Variants in PCDH15 observed in about 807,000 individuals in gnomAD.
PCDH15 encodes protocadherin related 15.
PCDH15 carries 129 observed loss-of-function variants against 178.5 expected under a neutral mutation model. That is an observed-to-expected ratio of 0.72 (90% CI 0.63 to 0.84). The LOEUF (loss-of-function observed/expected upper bound fraction) is 0.84, where lower values mean the gene tolerates loss of function less well. Among genes scored for constraint, PCDH15 ranks in the 40% least tolerant of loss-of-function variants. PCDH15 has a pLI of 0.00. For missense variants in PCDH15, 2,230 were observed against 2,099.9 expected, an observed-to-expected ratio of 1.06 and a Z score of -1.21; for synonymous variants, 800 against 732.0, an observed-to-expected ratio of 1.09 and a Z score of -1.50.
Position 53,918,545 on chromosome 10 carries a change from C to T in PCDH15, c.3374-15175G>A, listed in dbSNP as rs11003932. On this transcript the variant is annotated intron_variant, in intron 25 of 37. Transcript: ENST00000644397. ...TTCAAAAGACAGACAAGTACAGTTG[C>T]CCCTTCTATATTTGGATATCAACTG... is the stretch of plus-strand genomic sequence containing the variant. 8.6e-3 allele frequency among the ~76,000 whole-genome samples: 1,315 copies of T among 152,242 alleles called. 53 individuals carry two copies. In the East Asian group the frequency reaches 0.13, roughly 15 times the overall value.
chr10:54,687,031 C>T (rs2095024855), intron 1 of PCDH15, among the ~76,000 whole-genome samples: 1 of 152,066 alleles, frequency 6.6e-6, no homozygotes, highest in Non-Finnish European at 1.5e-5. Flanking sequence ...TAAAAATGTT[C>T]AATGTCCCTA....
At chr10:55,212,327 T>C (rs141089471) in intron 1 of PCDH15, among the ~76,000 whole-genome samples, 27 of 152,142 alleles carry the variant, frequency 1.8e-4, no homozygotes, top group Admixed American at 1.4e-3. Flanking sequence ...CTATAAAAGC[T>C]GCTTCATTTT....
intron 8 of PCDH15, among the ~76,000 whole-genome samples, chr10:54,298,148 A>C (rs575448640): frequency 6.6e-6 from 1 of 152,254 alleles, no homozygotes; most frequent in Admixed American, 6.5e-5. Context: ...GAAAGGAAGA[A>C]AATCCTGCCT....
intron 8 of PCDH15, among the ~76,000 whole-genome samples, chr10:54,296,484 C>T (rs1314772933): frequency 6.6e-6 from 1 of 152,166 alleles, no homozygotes; most frequent in Non-Finnish European, 1.5e-5. Context: ...AGACAAACTT[C>T]CTCTTGCCTC....
intron 26 of PCDH15, among the ~76,000 whole-genome samples, chr10:53,880,369 G>A (rs906057105): frequency 4.6e-5 from 7 of 152,158 alleles, no homozygotes; most frequent in Non-Finnish European, 7.4e-5. Context: ...GGTTCACGAA[G>A]CAAACTTGAA....
chr10:54,321,367 T>C (rs12146416), intron 7 of PCDH15, among the ~76,000 whole-genome samples: 67,447 of 149,250 alleles, frequency 0.45, 15,930 homozygotes, highest in Middle Eastern at 0.59. Context: ...TTTTAAAAGA[T>C]TGAATTAATC....
intron 20 of PCDH15, among the ~76,000 whole-genome samples, chr10:54,017,126 C>T (rs377706794): frequency 5.9e-5 from 9 of 152,166 alleles, no homozygotes; most frequent in African/African-American, 1.4e-4. Flanking sequence ...CGGGTTCAAG[C>T]GATTCTCCTG....
At chr10:54,825,444 G>A (rs1953113132) in intron 3 of PCDH15, among the ~76,000 whole-genome samples, 2 of 147,718 alleles carry the variant, frequency 1.4e-5, no homozygotes, top group South Asian at 4.5e-4. Flanking sequence ...CTGAGGAATC[G>A]CCACGCTGAC....
chr10:55,484,020 G>A (rs1419944983), intron 2 of PCDH15, among the ~76,000 whole-genome samples: 9 of 151,766 alleles, frequency 5.9e-5, no homozygotes, highest in African/African-American at 2.2e-4. Context: ...TGGATCTGGA[G>A]GCCATTATCC....
Position 53,828,207 on chromosome 10 carries a change from C to CAAAAAAAAAAAAAAAA in PCDH15, c.4211+342_4211+357dup, listed in dbSNP as rs71004480. On this transcript the variant is annotated intron_variant, in intron 31 of 37. Transcript: ENST00000644397. ...GCCAACAAGAGCAAAAAGTCCGTCT[C>CAAAAAAAAAAAAAAAA]AAAAAAAAAAAAAAAAAAAAAAAAA... Among the ~76,000 whole-genome samples the CAAAAAAAAAAAAAAAA allele has an allele frequency of 3.0e-4, 16 of 53,770 alleles. 1 individual carries two copies. The highest frequency in any genetic ancestry group is 1.1e-3 in the African/African-American group (15 of 13,890). The allele number at this position is 53,770 out of a possible 152,430, so 35.3% of individuals were successfully genotyped here.
At chr10:55,246,164 A>T (rs1306010238) in intron 1 of PCDH15, among the ~76,000 whole-genome samples, 1 of 152,206 alleles carries the variant, frequency 6.6e-6, no homozygotes, top group Non-Finnish European at 1.5e-5. Flanking sequence ...AAGAGTAAGG[A>T]CAAGCATAAA....
chr10:53,833,046 T>C (rs754511912), intron 29 of PCDH15, among the ~76,000 whole-genome samples: 13 of 152,032 alleles, frequency 8.6e-5, no homozygotes, highest in Non-Finnish European at 1.6e-4. Flanking sequence ...ATTTTTATGA[T>C]TACTAGAAAT....
chr10:54,807,494 T>C (rs1167241676), intron 3 of PCDH15, among the ~76,000 whole-genome samples: 1 of 151,854 alleles, frequency 6.6e-6, no homozygotes, highest in Non-Finnish European at 1.5e-5. Flanking sequence ...TACTATACAT[T>C]GTACTTTTTG....
intron 2 of PCDH15, among the ~76,000 whole-genome samples, chr10:55,568,078 C>T (rs1842338040): frequency 6.6e-6 from 1 of 151,716 alleles, no homozygotes; most frequent in Non-Finnish European, 1.5e-5. Flanking sequence ...GGTATGTACC[C>T]AATAGTTTCT....
chr10:55,497,731 C>T lies in PCDH15; in HGVS notation c.-156+129894G>A, dbSNP rs1840567026. On this transcript the variant is annotated intron_variant, in intron 2 of 5. Coordinates refer to the PCDH15 transcript ENST00000613346. Reference sequence around the variant, plus strand: ...AAGACTTAGTTTGAGTGTTCTGAAACCCATTTTGTAAGAATCTTTCTCTCT... The same window carrying T: ...AAGACTTAGTTTGAGTGTTCTGAAATCCATTTTGTAAGAATCTTTCTCTCT... 2.0e-5 allele frequency among the ~76,000 whole-genome samples: 3 copies of T among 151,818 alleles called. No homozygotes were observed. The South Asian group carries it at 6.2e-4, about 31-fold the overall frequency.
rs150612532 is a variant in PCDH15, at chr10:54,663,316, G to A, written c.91+856C>T. ...TGCCAAACAAATCTTGAATAAGAAC[G>A]AGGAAAAGTTAAAAGAAAAGAAAGA... On this transcript the variant is annotated intron_variant, in intron 2 of 37. Coordinates refer to ENST00000644397, the MANE Select transcript of PCDH15 (RefSeq NM_001384140.1). Among the ~76,000 whole-genome samples the A allele has an allele frequency of 1.8e-3, 266 of 151,564 alleles. 2 individuals carry two copies. The highest frequency in any genetic ancestry group is 5.9e-3 in the African/African-American group (246 of 41,394).
At chr10:54,736,370 T>C (rs1944117685) in intron 1 of PCDH15, among the ~76,000 whole-genome samples, 1 of 152,044 alleles carries the variant, frequency 6.6e-6, no homozygotes, top group Non-Finnish European at 1.5e-5. Context: ...TGGAAGATGA[T>C]TTCAACATAT....
At chr10:54,994,243 T>G (rs1472019114) in intron 2 of PCDH15, among the ~76,000 whole-genome samples, 3 of 152,216 alleles carry the variant, frequency 2.0e-5, no homozygotes, top group Non-Finnish European at 2.9e-5. Context: ...TGACTCTCTG[T>G]CATTTCTAAT....
At chr10:53,818,391 G>T (rs967853014) in intron 33 of PCDH15, 1 of 159,452 alleles carries the variant, frequency 6.3e-6, no homozygotes, top group Non-Finnish European at 1.4e-5. Flanking sequence ...ATCCTTAGGG[G>T]AAGAGATATG....
Sources: gnomAD v4.1 joint callset for allele counts (sites outside exome capture counted in the v4.1 genomes callset) on GRCh38, gnomAD v4.1.1 for gene constraint, MANE v1.5 for transcripts, NCBI Gene and HGNC (gene_info 2026-07-23, HGNC 2026-07-21) for gene names.